Variants in C10orf53 observed in about 807,000 individuals in gnomAD.
C10orf53 encodes UPF0728 protein C10orf53.
In C10orf53, 8 loss-of-function variants were observed where a neutral mutation model predicts 9.4. That is an observed-to-expected ratio of 0.85 (90% CI 0.50 to 1.53). The LOEUF is 1.53. C10orf53 is among the 40% of genes most tolerant of loss of function. C10orf53 has a pLI of 0.00. For missense variants in C10orf53, 117 were observed against 117.8 expected (o/e 0.99, Z 0.03); for synonymous variants, 48 against 46.0 (o/e 1.04, Z -0.18).
chr10:49,708,603 A>G (rs767648985), exon 3 of C10orf53: 1 of 1,614,100 alleles, frequency 6.2e-7, no homozygotes, highest in South Asian at 1.1e-5. Flanking sequence ...GAAGAGGGGA[A>G]CTCAGCCCTA....
chr10:49,694,785 C>T lies in C10orf53; in HGVS notation c.*183C>T. ...ATTGTCACCTGGCTGCACAGGAGCC[C>T]ACAGAAATAATAAAAACCACATCAT... On this transcript the variant is annotated 3_prime_UTR_variant, in exon 3 of 3. Transcript: ENST00000374111. 1.4e-6 allele frequency: 2 copies of T among 1,401,378 alleles called. No homozygotes were observed. Among genetic ancestry groups the T allele is most frequent in the South Asian group, 1.7e-5 (1 of 57,560 alleles). 86.8% of individuals were successfully genotyped at this position (1,401,378 alleles called of 1,614,324 possible).
intron 1 of C10orf53, among the ~76,000 whole-genome samples, chr10:49,690,470 G>A (rs975637225): frequency 3.9e-5 from 6 of 152,118 alleles, no homozygotes; most frequent in Admixed American, 2.0e-4. Flanking sequence ...ATCATTTCCC[G>A]AAGCCCTGCT....
chr10:49,683,587 A>G (rs767501720), intron 1 of C10orf53, among the ~76,000 whole-genome samples: 1 of 152,110 alleles, frequency 6.6e-6, no homozygotes, highest in African/African-American at 2.4e-5. Flanking sequence ...TTAAGAAACC[A>G]TTGTCTGCTG....
At chr10:49,680,040 A>G (rs1840464829) in intron 1 of C10orf53, among the ~76,000 whole-genome samples, 1 of 152,228 alleles carries the variant, frequency 6.6e-6, no homozygotes, top group Non-Finnish European at 1.5e-5. Flanking sequence ...ACCTCCATAG[A>G]AAAAATTACA....
intron 2 of C10orf53, among the ~76,000 whole-genome samples, chr10:49,704,302 A>G (rs1840707654): frequency 6.6e-6 from 1 of 152,240 alleles, no homozygotes; most frequent in African/African-American, 2.4e-5. Context: ...GAGAGCTCCC[A>G]CAAATCACTA....
intron 1 of C10orf53, among the ~76,000 whole-genome samples, chr10:49,684,536 G>A (rs186745208): frequency 1.3e-5 from 2 of 152,208 alleles, no homozygotes; most frequent in East Asian, 1.9e-4. Context: ...ATTTATTTTA[G>A]CAACTTTTAT....
In C10orf53 at chr10:49,695,130, A is replaced by G; in HGVS notation, c.*528A>G. ...GAGGGAATAAATATTTTAAATTGCTATTATAAAATTAGCCAAAATCAAATC... is the reference window on the plus strand; with the variant it reads ...GAGGGAATAAATATTTTAAATTGCTGTTATAAAATTAGCCAAAATCAAATC... On this transcript the variant is annotated 3_prime_UTR_variant, in exon 3 of 3. Transcript: ENST00000374111. The G allele has an allele frequency of 4.3e-6, 1 of 235,284 alleles. No individual in the cohort carries two copies. Among genetic ancestry groups the G allele is most frequent in the Non-Finnish European group, 6.9e-6 (1 of 143,902 alleles). 14.6% of individuals were successfully genotyped at this position (235,284 alleles called of 1,614,324 possible).
chr10:49,703,085 T>C (rs1840696361), intron 2 of C10orf53, among the ~76,000 whole-genome samples: 1 of 152,140 alleles, frequency 6.6e-6, no homozygotes, highest in Admixed American at 6.5e-5. Flanking sequence ...ACACCTCTCG[T>C]GTCTCTTCAC....
Position 49,694,976 on chromosome 10 carries a change from G to T in C10orf53, c.*374G>T. ...GATTCCATTGTTTAGTACTCAAAGTGCTCAGAACAGGTGAAATTAAAGAGA... is the reference window on the plus strand; with the variant it reads ...GATTCCATTGTTTAGTACTCAAAGTTCTCAGAACAGGTGAAATTAAAGAGA... On this transcript the variant is annotated 3_prime_UTR_variant, in exon 3 of 3. Coordinates refer to ENST00000374111, the MANE Select transcript of C10orf53 (RefSeq NM_001042427.3). 1 of 1,005,354 alleles carries T rather than the reference G, an allele frequency of 9.9e-7. No individual in the cohort carries two copies. Among genetic ancestry groups the T allele is most frequent in the Non-Finnish European group, 1.2e-6 (1 of 840,262 alleles). The allele number at this position is 1,005,354 out of a possible 1,614,324, so 62.3% of individuals were successfully genotyped here. A position where few individuals can be genotyped will look rare whatever the true frequency, so the allele number is the denominator to read the frequency against.
chr10:49,693,697 A>T (rs1840606522), intron 1 of C10orf53, 77 bp from the exon 2 acceptor site: 1 of 1,499,608 alleles, frequency 6.7e-7, no homozygotes, highest in African/African-American at 1.4e-5. Flanking sequence ...AGCTACTGTC[A>T]TCATGAGGAC....
intron 1 of C10orf53, among the ~76,000 whole-genome samples, chr10:49,693,111 C>T (rs116657292): frequency 0.013 from 1,929 of 151,198 alleles, 33 homozygotes; most frequent in African/African-American, 0.045. Context: ...ATGTATTTTT[C>T]TTGCCATTAA....
downstream of C10orf53, among the ~76,000 whole-genome samples, chr10:49,700,007 T>C (rs1317575530): frequency 6.6e-6 from 1 of 152,090 alleles, no homozygotes; most frequent in Non-Finnish European, 1.5e-5. Context: ...TCTGTGGATG[T>C]TCTGTTTAGA....
At chr10:49,710,076 CCCA>C (rs1357192759) in exon 3 of C10orf53, 4 of 152,712 alleles carry the variant, frequency 2.6e-5, no homozygotes, top group Non-Finnish European at 5.8e-5. Flanking sequence ...TCCCCCACGC[CCCA>C]CGTCTTTGTG....
chr10:49,680,627 G>A (rs906377728), intron 1 of C10orf53, among the ~76,000 whole-genome samples: 1 of 152,234 alleles, frequency 6.6e-6, no homozygotes, highest in African/African-American at 2.4e-5. Context: ...GGATGAAGCT[G>A]TTGCTGCTCT....
At chr10:49,684,782 A>G (rs1040364794) in intron 1 of C10orf53, among the ~76,000 whole-genome samples, 1 of 152,332 alleles carries the variant, frequency 6.6e-6, no homozygotes, top group African/African-American at 2.4e-5. Context: ...TTTGGGGTAT[A>G]AGATTATGCA....
intron 2 of C10orf53, among the ~76,000 whole-genome samples, chr10:49,705,730 T>C (rs1356067441): frequency 1.3e-5 from 2 of 152,106 alleles, no homozygotes; most frequent in Non-Finnish European, 2.9e-5. Context: ...AAATGTTTCT[T>C]ATATATTAAA....
chr10:49,704,616 C>T (rs979966960), intron 2 of C10orf53, among the ~76,000 whole-genome samples: 18 of 152,094 alleles, frequency 1.2e-4, no homozygotes, highest in African/African-American at 2.2e-4. Context: ...TGGTGGTGCA[C>T]GCCTGTAATC....
intron 1 of C10orf53, among the ~76,000 whole-genome samples, chr10:49,690,106 G>C (rs539077713): frequency 1.6e-4 from 25 of 152,144 alleles, no homozygotes; most frequent in Non-Finnish European, 3.2e-4. Context: ...ACAGCAAAAA[G>C]CGAAGGCAGC....
rs1840624648 is a variant in C10orf53, at chr10:49,695,291, A to G, written c.*689A>G. 3.3e-5 allele frequency: 5 copies of G among 152,242 alleles called. No homozygotes were observed. 9.4% of individuals were successfully genotyped at this position (152,242 alleles called of 1,614,324 possible). A position where few individuals can be genotyped will look rare whatever the true frequency, so the allele number is the denominator to read the frequency against. ...CCTCTGGAGTAGAACACAGCCCCAT[A>G]GAGTTAAAGAGGGTTTTCACTATGT... On this transcript the variant is annotated 3_prime_UTR_variant, in exon 3 of 3. Transcript: ENST00000374111.
Sources: allele counts gnomAD v4.1 joint callset (sites outside exome capture counted in the v4.1 genomes callset), GRCh38; gene constraint gnomAD v4.1.1; transcripts MANE v1.5; gene names NCBI Gene and HGNC (gene_info 2026-07-23, HGNC 2026-07-21).